The following VAV3 variants were observed in gnomAD, a reference collection of about 807,000 sequenced individuals.
VAV3 encodes guanine nucleotide exchange factor VAV3.
In VAV3, 94 loss-of-function variants were observed where a neutral mutation model predicts 131.2. The ratio of observed to expected loss-of-function variants is 0.72; its 90% CI spans 0.61 to 0.85. VAV3 has a LOEUF of 0.85. VAV3 is among the 40% of genes least tolerant of loss of function. The pLI, the probability that VAV3 is intolerant of heterozygous loss-of-function variation, is 0.00. For synonymous variants in VAV3, 349 were observed against 342.0 expected, an observed-to-expected ratio of 1.02 and a Z score of -0.22; for missense variants, 939 against 1,002.7, an observed-to-expected ratio of 0.94 and a Z score of 0.86.
intron 25 of VAV3, among the ~76,000 whole-genome samples, chr1:107,583,350 A>G (rs1650223479): frequency 6.6e-6 from 1 of 152,242 alleles, no homozygotes; most frequent in African/African-American, 2.4e-5. Context: ...AACTGGCACA[A>G]GACAAGGATG....
intron 1 of VAV3, among the ~76,000 whole-genome samples, chr1:107,939,741 T>C (rs911457568): frequency 2.6e-5 from 4 of 152,210 alleles, no homozygotes; most frequent in Admixed American, 2.0e-4. Context: ...CAGGATTTAG[T>C]TGGTGAAGTG....
intron 1 of VAV3, among the ~76,000 whole-genome samples, chr1:107,907,649 G>A (rs575059002): frequency 1.9e-4 from 29 of 151,878 alleles, no homozygotes; most frequent in Admixed American, 1.0e-3. Flanking sequence ...TCTTGCTCTC[G>A]TGTGCGTGCG....
chr1:107,625,395 T>C (rs1279322315), intron 20 of VAV3, among the ~76,000 whole-genome samples: 2 of 151,948 alleles, frequency 1.3e-5, no homozygotes, highest in Admixed American at 6.6e-5. Context: ...GTCTCCCGAG[T>C]AGCTGGGATT....
At chr1:107,795,705 A>G (rs10494076) in intron 2 of VAV3, among the ~76,000 whole-genome samples, 46,830 of 152,214 alleles carry the variant, frequency 0.31, 7,834 homozygotes, top group Non-Finnish European at 0.37. Context: ...AGTTATAAAC[A>G]TTTGCATAAG....
In VAV3 at chr1:107,760,862, T is replaced by C; in HGVS notation, c.939A>G (p.Ala313=). 6.2e-7 allele frequency: 1 copy of C among 1,613,722 alleles called. No homozygotes were observed. Among genetic ancestry groups the C allele is most frequent in the Non-Finnish European group, 8.5e-7 (1 of 1,179,726 alleles). Reference sequence around the variant, plus strand: ...CTCGAAGAGTAAATTTCCCATTATTTGCTCTTTTGGAACATTCCTAATGAA... The same window carrying C: ...CTCGAAGAGTAAATTTCCCATTATTCGCTCTTTTGGAACATTCCTAATGAA... ...KLKLEECSKR[A]NNGKFTLRDL... is the part of the protein sequence containing the mutation. The change falls in exon 10 of 27, where the codon GCA becomes GCG. Residue 313 remains alanine (A), a synonymous_variant. Coordinates refer to ENST00000370056, the MANE Select transcript of VAV3 (RefSeq NM_006113.5).
At chr1:107,913,808 T>C (rs185307352) in intron 1 of VAV3, among the ~76,000 whole-genome samples, 4 of 152,282 alleles carry the variant, frequency 2.6e-5, no homozygotes, top group Admixed American at 2.6e-4. Context: ...TAATTATTAT[T>C]ATTTTGAGGT....
chr1:107,827,290 T>G (rs113019808), intron 2 of VAV3, among the ~76,000 whole-genome samples: 85 of 152,208 alleles, frequency 5.6e-4, no homozygotes, highest in African/African-American at 1.9e-3. Flanking sequence ...TTCTCTCAAA[T>G]CCCTCTTCCT....
At chr1:107,818,067 C>G (rs1187531006) in intron 2 of VAV3, among the ~76,000 whole-genome samples, 1 of 152,136 alleles carries the variant, frequency 6.6e-6, no homozygotes, top group Admixed American at 6.5e-5. Context: ...CTAACTGGGC[C>G]AACTGCTCTG....
intron 2 of VAV3, among the ~76,000 whole-genome samples, chr1:107,812,375 G>T (rs1667354003): frequency 6.6e-6 from 1 of 152,078 alleles, no homozygotes; most frequent in Non-Finnish European, 1.5e-5. Context: ...TCCTATTTGT[G>T]TCACACGTGT....
At chr1:107,901,049 T>C (rs1288271458) in intron 1 of VAV3, among the ~76,000 whole-genome samples, 3 of 152,194 alleles carry the variant, frequency 2.0e-5, no homozygotes. Flanking sequence ...CTGTACTTAC[T>C]AAAGATTACT....
chr1:107,635,134 A>G (rs1302470763), intron 20 of VAV3, among the ~76,000 whole-genome samples: 13 of 152,174 alleles, frequency 8.5e-5, no homozygotes, highest in Admixed American at 2.0e-4. Flanking sequence ...ATACCCAAAG[A>G]ATTATAAATC....
At chr1:107,934,720 T>C (rs1673624080) in intron 1 of VAV3, among the ~76,000 whole-genome samples, 1 of 152,246 alleles carries the variant, frequency 6.6e-6, no homozygotes, top group African/African-American at 2.4e-5. Context: ...ACTTAACCAC[T>C]GAAATTTTAA....
intron 20 of VAV3, among the ~76,000 whole-genome samples, chr1:107,641,130 A>G (rs556897946): frequency 7.7e-4 from 117 of 152,272 alleles, no homozygotes; most frequent in African/African-American, 2.6e-3. Context: ...GTTTGGAAGG[A>G]GTGGGATACT....
intron 2 of VAV3, among the ~76,000 whole-genome samples, chr1:107,851,855 A>ATACAGT (rs1440894596): frequency 1.3e-5 from 2 of 152,206 alleles, no homozygotes; most frequent in Non-Finnish European, 2.9e-5. Context: ...ATTTGAGAAA[A>ATACAGT]TACAGTAACT....
intron 2 of VAV3, among the ~76,000 whole-genome samples, chr1:107,833,399 G>A (rs1045092989): frequency 3.3e-5 from 5 of 152,158 alleles, no homozygotes; most frequent in African/African-American, 9.7e-5. Context: ...GCTAACAGAG[G>A]TTGGTTCATA....
chr1:107,662,206 C>T (rs2101629578), intron 19 of VAV3, among the ~76,000 whole-genome samples: 1 of 152,238 alleles, frequency 6.6e-6, no homozygotes, highest in East Asian at 1.9e-4. Flanking sequence ...AAACTTATAT[C>T]CCCACACGAC....
chr1:107,881,413 G>A (rs1227184794), intron 1 of VAV3, among the ~76,000 whole-genome samples: 1 of 152,186 alleles, frequency 6.6e-6, no homozygotes, highest in Non-Finnish European at 1.5e-5. Context: ...ACTGAAAATG[G>A]TAACTTAGCA....
In VAV3 at chr1:107,911,249, C is replaced by T. The variant is rs944466787; in HGVS notation, c.205-36232G>A. 1.3e-5 allele frequency among the ~76,000 whole-genome samples: 2 copies of T among 152,136 alleles called. 1 individual carries two copies. Among genetic ancestry groups the T allele is most frequent in the East Asian group, 3.9e-4 (2 of 5,190 alleles). On this transcript the variant is annotated intron_variant, in intron 1 of 26. Coordinates refer to ENST00000370056, the MANE Select transcript of VAV3 (RefSeq NM_006113.5). ...ATTAGAAAATAAAAGTTACCTGCAA[C>T]CTTACTAACATTAACATGTATATAT...
chr1:107,836,648 G>A (rs1298663247), intron 2 of VAV3, among the ~76,000 whole-genome samples: 1 of 152,000 alleles, frequency 6.6e-6, no homozygotes, highest in Non-Finnish European at 1.5e-5. Flanking sequence ...TTCTTTGAAA[G>A]AATAAATAAG....
Sources: gnomAD v4.1 joint callset for allele counts (sites outside exome capture counted in the v4.1 genomes callset) on GRCh38, gnomAD v4.1.1 for gene constraint, MANE v1.5 for transcripts, NCBI Gene and HGNC (gene_info 2026-07-23, HGNC 2026-07-21) for gene names.